The following PRKDC variants were observed in gnomAD, a reference collection of about 807,000 sequenced individuals.
The protein encoded by PRKDC is DNA-dependent protein kinase catalytic subunit.
PRKDC carries 82 observed loss-of-function variants against 486.9 expected under a neutral mutation model. The observed-to-expected ratio is 0.17, with a 90% CI of 0.14 to 0.20. PRKDC has a LOEUF of 0.20. PRKDC is among the 10% of genes least tolerant of loss of function. The pLI is 1.00. For missense variants in PRKDC, 4,504 were observed against 5,038.2 expected, an observed-to-expected ratio of 0.89 and a Z score of 3.21; for synonymous variants, 1,895 against 1,837.0, an observed-to-expected ratio of 1.03 and a Z score of -0.81.
chr8:47,820,781 G>A lies in PRKDC; in HGVS notation c.9274C>T (p.Leu3092=). The A allele has an allele frequency of 6.2e-7, 1 of 1,609,490 alleles. No individual in the cohort carries two copies. Among genetic ancestry groups the A allele is most frequent in the African/African-American group, 1.3e-5 (1 of 74,922 alleles). The change falls in exon 66 of 86, where the codon CTG becomes TTG. Residue 3092 remains leucine, a synonymous_variant. Coordinates refer to ENST00000314191, the MANE Select transcript of PRKDC (RefSeq NM_006904.7). ...YSQELSLLYL[L]QDDVDRAKYY... Reference sequence around the variant, plus strand: ...TTGGCTCTGTCAACATCATCTTGCAGGAGGTAAAGCAGACTCAGCTCTTGA... The same window carrying A: ...TTGGCTCTGTCAACATCATCTTGCAAGAGGTAAAGCAGACTCAGCTCTTGA...
At chr8:47,944,483 T>TAAAAAAAAAAA (rs2090497360) in intron 7 of PRKDC, among the ~76,000 whole-genome samples, 1 of 116,826 alleles carries the variant, frequency 8.6e-6, no homozygotes, top group Non-Finnish European at 1.7e-5. Context: ...AAGAAAAAAA[T>TAAAAAAAAAAA]TAAAAAAAAA....
chr8:47,820,552 G>C (rs965649241), intron 66 of PRKDC, among the ~76,000 whole-genome samples, 167 bp downstream of exon 66: 1 of 151,824 alleles, frequency 6.6e-6, no homozygotes, highest in African/African-American at 2.4e-5. Flanking sequence ...CAGAAAGAAG[G>C]AAATAGGTGG....
Position 47,879,522 on chromosome 8 carries a change from C to A in PRKDC, c.5204G>T (p.Arg1735Leu), listed in dbSNP as rs756568122. 1 of 1,596,202 alleles carries A rather than the reference C, an allele frequency of 6.3e-7. No homozygotes were observed. Among genetic ancestry groups the A allele is most frequent in the East Asian group, 2.3e-5 (1 of 44,340 alleles). The change falls in exon 39 of 86, where the codon CGG (arginine) becomes CTG (leucine). Residue 1735 changes from arginine (R) to leucine (L), a missense_variant. Coordinates refer to ENST00000314191, the MANE Select transcript of PRKDC (RefSeq NM_006904.7). ...QSREFPPGTP[R>L]FNNYVDCMKK... ...CATGCAGTCCACATAATTATTGAAC[C>A]GCGGAGTTCCTGGAGGAAATTCCCT...
At chr8:47,794,240 T>C in intron 74 of PRKDC, 50 bp downstream of exon 74, 2 of 1,471,600 alleles carry the variant, frequency 1.4e-6, no homozygotes, top group Non-Finnish European at 1.9e-6. Context: ...AACCACATTT[T>C]TATAACCTAT....
At chr8:47,881,614 T>A (rs1271197693) in intron 37 of PRKDC, 94 bp from the exon 38 acceptor site, 4 of 705,260 alleles carry the variant, frequency 5.7e-6, no homozygotes, top group African/African-American at 5.5e-5. Context: ...CAGAAATGAA[T>A]TGTTAATTTA....
intron 3 of PRKDC, among the ~76,000 whole-genome samples, chr8:47,956,219 A>G (rs2154504686): frequency 6.6e-6 from 1 of 152,198 alleles, no homozygotes; most frequent in African/African-American, 2.4e-5. Flanking sequence ...AAAATTAGCC[A>G]GGTACGGTGG....
At chr8:47,784,696 C>T (rs922466394) in intron 77 of PRKDC, among the ~76,000 whole-genome samples, 4 of 151,572 alleles carry the variant, frequency 2.6e-5, no homozygotes, top group African/African-American at 4.8e-5. Flanking sequence ...TTATCATTAA[C>T]TTGTCACTTT....
intron 4 of PRKDC, among the ~76,000 whole-genome samples, chr8:47,955,448 C>A (rs986929417): frequency 1.8e-5 from 2 of 110,958 alleles, no homozygotes; most frequent in African/African-American, 3.6e-5. Flanking sequence ...GGCGACAGAG[C>A]GAGACTCCGT....
chr8:47,854,041 T>C (rs373103011), intron 51 of PRKDC, 42 bp downstream of exon 51: 5 of 1,607,006 alleles, frequency 3.1e-6, no homozygotes, highest in Non-Finnish European at 1.7e-6. Flanking sequence ...TCAATCCAGT[T>C]TGGGTAGACG....
intron 51 of PRKDC, 118 bp downstream of exon 51, chr8:47,853,965 C>T: frequency 7.5e-7 from 1 of 1,339,086 alleles, no homozygotes; most frequent in Admixed American, 2.4e-5. Flanking sequence ...CCGTGCCTGG[C>T]CCAGAAACAT....
chr8:47,888,533 A>C lies in PRKDC; in HGVS notation c.4398T>G (p.Asn1466Lys). The part of the protein sequence containing the change: ...KQLHRAGLLH[N>K]ILPSQSTDLH... ...TTATAGTTACCTGAGACGGTAATAT[A>C]TTATGCAGAAGCCCAGCTCTGTGAA... Residue 1466 changes from asparagine (N) to lysine (K), a missense_variant, in exon 34 of 86, where the codon AAT becomes AAG. Physicochemically the swap from Asn to Lys is moderately conservative, Grantham distance 94 (BLOSUM62 0). Around this residue, in one of 6 missense-constraint regions of PRKDC, gnomAD observed 1,969 missense variants for 2,068.9 expected, o/e 0.95. Coordinates refer to ENST00000314191, the MANE Select transcript of PRKDC (RefSeq NM_006904.7). 1 of 1,567,404 alleles carries C rather than the reference A, an allele frequency of 6.4e-7. No homozygotes were observed. The highest frequency in any genetic ancestry group is 8.7e-7 in the Non-Finnish European group (1 of 1,155,480).
At chr8:47,792,924 G>GC (rs1221333223) in intron 74 of PRKDC, among the ~76,000 whole-genome samples, 1 of 152,204 alleles carries the variant, frequency 6.6e-6, no homozygotes, top group Admixed American at 6.5e-5. Context: ...AGGTTGGACT[G>GC]CAGTGGCAAC....
In PRKDC at chr8:47,821,011, C is replaced by T. The variant is rs146933089; in HGVS notation, c.9112-68G>A. On this transcript the variant is annotated intron_variant, in intron 65 of 85. Transcript: ENST00000314191. ...TTGAGTATGTCTAATTATTTTATTT[C>T]TATTATATTCTTTGCTATACTTTCA... 0.014 allele frequency: 13,395 copies of T among 985,958 alleles called. 93 individuals carry two copies. The highest frequency in any genetic ancestry group is 0.016 in the Non-Finnish European group (11,556 of 708,080). 61.1% of individuals were successfully genotyped at this position (985,958 alleles called of 1,614,324 possible).
intron 80 of PRKDC, 124 bp from the exon 81 acceptor site, chr8:47,779,217 T>TA: frequency 1.5e-6 from 1 of 672,788 alleles, no homozygotes; most frequent in Admixed American, 3.1e-5. Context: ...ATAAGACTTT[T>TA]AACCATATTC....
chr8:47,935,006 T>C lies in PRKDC; in HGVS notation c.1497+3A>G. ...TTTTCTAAACATTAAATTCAGAATTTACCTTTGGAAGGACCACTGGTTTAG... is the reference window on the plus strand; with the variant it reads ...TTTTCTAAACATTAAATTCAGAATTCACCTTTGGAAGGACCACTGGTTTAG... On this transcript the variant is annotated splice_donor_region_variant and intron_variant, in intron 14 of 85. Coordinates refer to ENST00000314191, the MANE Select transcript of PRKDC (RefSeq NM_006904.7). 6.6e-7 allele frequency: 1 copy of C among 1,510,022 alleles called. No homozygotes were observed. The highest frequency in any genetic ancestry group is 9.0e-7 in the Non-Finnish European group (1 of 1,114,450). The allele number at this position is 1,510,022 out of a possible 1,614,324, so 93.5% of individuals were successfully genotyped here.
chr8:47,940,650 T>G (rs1404574857), intron 10 of PRKDC, among the ~76,000 whole-genome samples: 1 of 152,238 alleles, frequency 6.6e-6, no homozygotes, highest in South Asian at 2.1e-4. Flanking sequence ...AATTACAGAA[T>G]AGCAAATATT....
intron 66 of PRKDC, 146 bp downstream of exon 66, chr8:47,820,573 G>T: frequency 2.4e-6 from 1 of 411,166 alleles, no homozygotes; most frequent in Non-Finnish European, 3.9e-6. Flanking sequence ...TATGAAAATA[G>T]TACTTGAAAA....
At chr8:47,853,979 T>C in intron 51 of PRKDC, 104 bp downstream of exon 51, 1 of 1,418,384 alleles carries the variant, frequency 7.1e-7, no homozygotes. Flanking sequence ...GAAACATTTG[T>C]AGCATGGGTC....
intron 84 of PRKDC, among the ~76,000 whole-genome samples, chr8:47,777,218 T>TA (rs1307287615): frequency 2.6e-5 from 4 of 152,150 alleles, no homozygotes; most frequent in African/African-American, 9.7e-5. Context: ...GTTAATTTTT[T>TA]TTTTTTTGAG....
Sources: gnomAD v4.1 joint callset for allele counts (sites outside exome capture counted in the v4.1 genomes callset) on GRCh38, gnomAD v4.1.1 for gene constraint, gnomAD v4.1.1 regional missense constraint, MANE v1.5 for transcripts, NCBI Gene and HGNC (gene_info 2026-07-23, HGNC 2026-07-21) for gene names.